Variants in ZMYM4 observed in about 807,000 individuals in gnomAD.
ZMYM4 encodes zinc finger MYM-type containing 4.
Under a neutral mutation model 183.2 loss-of-function variants are expected in ZMYM4, and 31 were observed. The ratio of observed to expected loss-of-function variants is 0.17; its 90% CI spans 0.13 to 0.23. The LOEUF is 0.23. Ranked by LOEUF, ZMYM4 falls within the 10% of genes least tolerant of loss-of-function variation. The pLI is 1.00. For missense variants in ZMYM4, 1,273 were observed against 1,840.3 expected (o/e 0.69, Z 5.64); for synonymous variants, 592 against 631.2 (o/e 0.94, Z 0.93).
chr1:35,322,324 C>T (rs1642316406), intron 1 of ZMYM4, among the ~76,000 whole-genome samples: 1 of 152,084 alleles, frequency 6.6e-6, no homozygotes, highest in Non-Finnish European at 1.5e-5. Context: ...TAAGCTTTTC[C>T]AAACAATTTT....
chr1:35,317,517 G>T (rs75408990), intron 1 of ZMYM4, among the ~76,000 whole-genome samples: 3 of 152,118 alleles, frequency 2.0e-5, no homozygotes, highest in African/African-American at 2.4e-5. Flanking sequence ...AGTCAATTTG[G>T]CTAGCATTCA....
chr1:35,381,782 A>G (rs1256967004), intron 9 of ZMYM4, 24 bp downstream of exon 9: 4 of 1,610,682 alleles, frequency 2.5e-6, no homozygotes, highest in South Asian at 1.1e-5. Context: ...TTTAATCTTG[A>G]TGTCTTTGTT....
intron 1 of ZMYM4, among the ~76,000 whole-genome samples, chr1:35,315,358 G>T (rs905330578): frequency 1.3e-5 from 2 of 151,912 alleles, no homozygotes; most frequent in Non-Finnish European, 2.9e-5. Context: ...TAACTCCATT[G>T]CTTCTACGTA....
At chr1:35,303,613 C>T (rs527946736) in intron 1 of ZMYM4, among the ~76,000 whole-genome samples, 12 of 152,226 alleles carry the variant, frequency 7.9e-5, no homozygotes, top group Non-Finnish European at 2.9e-5. Flanking sequence ...GCCATGTTGG[C>T]CAGGCTGGTC....
intron 1 of ZMYM4, among the ~76,000 whole-genome samples, chr1:35,319,604 C>T (rs1642200311): frequency 6.6e-6 from 1 of 151,998 alleles, no homozygotes; most frequent in South Asian, 2.1e-4. Context: ...GCCTGGGCAA[C>T]AGAGCAAGAC....
At chr1:35,392,074 C>G (rs1644717434) in intron 15 of ZMYM4, 138 bp from the exon 16 acceptor site, 1 of 1,098,120 alleles carries the variant, frequency 9.1e-7, no homozygotes, top group Non-Finnish European at 1.3e-6. Context: ...AACCAAAACC[C>G]AGTTAATCCT....
At chr1:35,303,072 C>T (rs533368017) in intron 1 of ZMYM4, among the ~76,000 whole-genome samples, 4 of 148,812 alleles carry the variant, frequency 2.7e-5, no homozygotes, top group African/African-American at 4.9e-5. Flanking sequence ...TCTAGGAGTT[C>T]GAGTCCAACC....
chr1:35,351,390 C>G, intron 2 of ZMYM4: 2 of 1,572,332 alleles, frequency 1.3e-6, no homozygotes, highest in Non-Finnish European at 1.7e-6. Context: ...ACAGTTCTCT[C>G]AATACATAAA....
chr1:35,331,311 T>G (rs935483638), intron 2 of ZMYM4, among the ~76,000 whole-genome samples: 1 of 152,178 alleles, frequency 6.6e-6, no homozygotes, highest in Non-Finnish European at 1.5e-5. Flanking sequence ...CTCAATAATT[T>G]TTTAGTTCTC....
intron 5 of ZMYM4, among the ~76,000 whole-genome samples, chr1:35,364,298 A>G (rs1470760109): frequency 6.6e-6 from 1 of 152,088 alleles, no homozygotes; most frequent in Non-Finnish European, 1.5e-5. Context: ...ACAATAAGGG[A>G]CTTGTAGTAT....
At chr1:35,379,817 G>A (rs1278962072) in intron 7 of ZMYM4, among the ~76,000 whole-genome samples, 1 of 152,194 alleles carries the variant, frequency 6.6e-6, no homozygotes, top group Non-Finnish European at 1.5e-5. Context: ...TGAGGAGTGG[G>A]AGAGATACAG....
intron 26 of ZMYM4, among the ~76,000 whole-genome samples, chr1:35,408,653 C>T (rs971167051): frequency 6.6e-6 from 1 of 152,158 alleles, no homozygotes; most frequent in Admixed American, 6.5e-5. Flanking sequence ...AGGAGGATCA[C>T]CTCAGCCCAG....
intron 1 of ZMYM4, among the ~76,000 whole-genome samples, chr1:35,286,705 C>G (rs1640506673): frequency 6.7e-6 from 1 of 148,200 alleles, no homozygotes; most frequent in Non-Finnish European, 1.5e-5. Flanking sequence ...CTCAAGCAAT[C>G]CTCCCACCTC....
At chr1:35,367,293 C>T (rs144259377) in intron 5 of ZMYM4, among the ~76,000 whole-genome samples, 2,812 of 151,666 alleles carry the variant, frequency 0.019, 76 homozygotes, top group African/African-American at 0.063. Context: ...AATATTGGCT[C>T]GCTGCAACCT....
intron 22 of ZMYM4, 94 bp from the exon 23 acceptor site, chr1:35,399,388 G>A: frequency 8.8e-7 from 1 of 1,136,848 alleles, no homozygotes; most frequent in East Asian, 2.5e-5. Context: ...AATGAATATA[G>A]TGATGATTAC....
At chr1:35,374,504 T>C (rs1644291766) in intron 7 of ZMYM4, among the ~76,000 whole-genome samples, 1 of 152,114 alleles carries the variant, frequency 6.6e-6, no homozygotes, top group Admixed American at 6.5e-5. Flanking sequence ...TATCCTTTTA[T>C]AATCATAGCT....
In ZMYM4 at chr1:35,421,660, C is replaced by T. The variant is rs1640329351; in HGVS notation, c.*1983C>T. 1.3e-5 allele frequency: 2 copies of T among 152,196 alleles called. No homozygotes were observed. The highest frequency in any genetic ancestry group is 4.1e-4 in the South Asian group (2 of 4,832). The allele number at this position is 152,196 out of a possible 1,614,324, so 9.4% of individuals were successfully genotyped here. ...AGGATTTCATTTGCATGTTAGTCCA[C>T]AGAGTTGCCCAGAACCCTAAATTTA... On this transcript the variant is annotated 3_prime_UTR_variant, in exon 30 of 30. Transcript: ENST00000314607.
At chr1:35,302,812 C>T (rs1389408310) in intron 1 of ZMYM4, among the ~76,000 whole-genome samples, 1 of 152,016 alleles carries the variant, frequency 6.6e-6, no homozygotes, top group Non-Finnish European at 1.5e-5. Context: ...TGAGCTACTG[C>T]ACCCAGTCTG....
At chr1:35,380,893 A>G (rs1644443006) in intron 7 of ZMYM4, among the ~76,000 whole-genome samples, 1 of 152,226 alleles carries the variant, frequency 6.6e-6, no homozygotes, top group Non-Finnish European at 1.5e-5. Flanking sequence ...TGTTAAATGT[A>G]ATACAGTATT....
Sources: gnomAD v4.1 joint callset for allele counts (sites outside exome capture counted in the v4.1 genomes callset) on GRCh38, gnomAD v4.1.1 for gene constraint, MANE v1.5 for transcripts, NCBI Gene and HGNC (gene_info 2026-07-23, HGNC 2026-07-21) for gene names.